The following ATAD1 variants were observed in gnomAD, a reference collection of about 807,000 sequenced individuals.
The protein encoded by ATAD1 is ATPase family AAA domain containing 1.
A neutral mutation model predicts 42.7 loss-of-function variants in ATAD1; 18 were observed. The observed-to-expected ratio is 0.42, with a 90% CI of 0.29 to 0.63. The LOEUF is 0.63. ATAD1 is among the 20% of genes least tolerant of loss of function. The pLI is 0.19. For synonymous variants in ATAD1, 132 were observed against 143.1 expected, an observed-to-expected ratio of 0.92 and a Z score of 0.55; for missense variants, 294 against 440.4, an observed-to-expected ratio of 0.67 and a Z score of 2.98.
At chr10:87,776,260 C>T in intron 6 of ATAD1, 61 bp downstream of exon 6, 1 of 1,327,020 alleles carries the variant, frequency 7.5e-7, no homozygotes, top group Non-Finnish European at 1.1e-6. Context: ...AGTAGCCCAG[C>T]AAATTTTCTA....
intron 8 of ATAD1, among the ~76,000 whole-genome samples, chr10:87,761,584 C>G (rs932173302): frequency 6.6e-6 from 1 of 152,092 alleles, no homozygotes; most frequent in East Asian, 1.9e-4. Flanking sequence ...ATCACTTGAG[C>G]CCAGGGAGGC....
At chr10:87,782,003 G>A in intron 5 of ATAD1, among the ~76,000 whole-genome samples, 1 of 151,782 alleles carries the variant, frequency 6.6e-6, no homozygotes, top group East Asian at 1.9e-4. Context: ...TACAATGGCT[G>A]AGAAATCCTC....
At chr10:87,836,896 G>A (rs1480831657) in intron 1 of ATAD1, among the ~76,000 whole-genome samples, 1 of 152,068 alleles carries the variant, frequency 6.6e-6, no homozygotes, top group Non-Finnish European at 1.5e-5. Flanking sequence ...GTTCACATTG[G>A]ATAATTTCTG....
intron 5 of ATAD1, among the ~76,000 whole-genome samples, chr10:87,783,535 A>T (rs548198139): frequency 8.5e-5 from 13 of 152,062 alleles, no homozygotes; most frequent in Non-Finnish European, 1.5e-4. Flanking sequence ...TTCTCTCTAC[A>T]TATTTACATA....
At chr10:87,822,012 T>G (rs1034638743), upstream of ATAD1, among the ~76,000 whole-genome samples, 5 of 152,110 alleles carry the variant, frequency 3.3e-5, no homozygotes, top group South Asian at 2.1e-4. Flanking sequence ...CATCAAGAAA[T>G]CAAGGCAAGG....
chr10:87,817,187 C>G (rs1423326041), intron 1 of ATAD1, among the ~76,000 whole-genome samples: 18 of 152,176 alleles, frequency 1.2e-4, no homozygotes, highest in Admixed American at 1.2e-3. Context: ...CTTTATTGTA[C>G]ACTCATGTAT....
At chr10:87,767,235 C>T (rs2131797410) in intron 8 of ATAD1, among the ~76,000 whole-genome samples, 1 of 152,176 alleles carries the variant, frequency 6.6e-6, no homozygotes, top group East Asian at 1.9e-4. Flanking sequence ...GGATTCAGGT[C>T]AAGTTCAAAG....
At chr10:87,791,030 C>CAAAAAAAAAA (rs34722647) in intron 3 of ATAD1, among the ~76,000 whole-genome samples, 9 of 66,248 alleles carry the variant, frequency 1.4e-4, no homozygotes, top group Admixed American at 2.0e-4. Context: ...ACTAAAATTA[C>CAAAAAAAAAA]AAAAAAAAAA....
At chr10:87,755,630 C>T (rs1185978349) in intron 9 of ATAD1, among the ~76,000 whole-genome samples, 1 of 152,030 alleles carries the variant, frequency 6.6e-6, no homozygotes, top group Admixed American at 6.6e-5. Flanking sequence ...AAAACCTGGC[C>T]AGTAGCGGTG....
At chr10:87,814,243 T>C (rs1024663790) in intron 2 of ATAD1, among the ~76,000 whole-genome samples, 195 bp downstream of exon 2, 1 of 152,082 alleles carries the variant, frequency 6.6e-6, no homozygotes, top group Admixed American at 6.5e-5. Context: ...GTTGTTTATA[T>C]AGTAAAAAAT....
At chr10:87,798,236 C>T (rs1856493085) in intron 2 of ATAD1, among the ~76,000 whole-genome samples, 1 of 152,124 alleles carries the variant, frequency 6.6e-6, no homozygotes, top group African/African-American at 2.4e-5. Context: ...ACACATCCAT[C>T]CACACATAAA....
chr10:87,785,289 T>C (rs1303786813), intron 4 of ATAD1, among the ~76,000 whole-genome samples: 2 of 151,800 alleles, frequency 1.3e-5, no homozygotes, highest in East Asian at 1.9e-4. Context: ...GATCTAGAGG[T>C]TGGGATCTTG....
At chr10:87,800,129 G>GAAATT (rs756117840) in intron 2 of ATAD1, among the ~76,000 whole-genome samples, 1 of 151,250 alleles carries the variant, frequency 6.6e-6, no homozygotes, top group Non-Finnish European at 1.5e-5. Flanking sequence ...TAATTAAAGG[G>GAAATT]AAATTAAAAT....
intron 9 of ATAD1, 34 bp from the exon 10 acceptor site, chr10:87,754,841 T>C: frequency 3.7e-6 from 6 of 1,601,050 alleles, no homozygotes; most frequent in Non-Finnish European, 5.1e-6. Context: ...AATACTCAAA[T>C]AACTTTAGAA....
At chr10:87,801,145 T>C (rs1311006537) in intron 2 of ATAD1, among the ~76,000 whole-genome samples, 2 of 152,238 alleles carry the variant, frequency 1.3e-5, no homozygotes, top group Non-Finnish European at 2.9e-5. Context: ...ATTGGTTTCA[T>C]GCTGTTTTTA....
upstream of ATAD1, chr10:87,818,959 T>A (rs1336316088): frequency 1.3e-5 from 2 of 152,382 alleles, no homozygotes; most frequent in East Asian, 3.9e-4. Flanking sequence ...CAGAGCCTCC[T>A]GAATACACAA....
intron 2 of ATAD1, among the ~76,000 whole-genome samples, chr10:87,803,319 C>T (rs1856787201): frequency 6.6e-6 from 1 of 152,046 alleles, no homozygotes; most frequent in African/African-American, 2.4e-5. Flanking sequence ...TATGCTTTCT[C>T]CAAAAGATTT....
At chr10:87,799,783 AT>A (rs572002251) in intron 2 of ATAD1, among the ~76,000 whole-genome samples, 1,847 of 134,772 alleles carry the variant, frequency 0.014, 18 homozygotes, top group African/African-American at 0.039. Flanking sequence ...GTAGAAAAAT[AT>A]TTTTTTTTTT....
At position 87,754,544 on chromosome 10, in the gene ATAD1, T is replaced by A; in HGVS notation, c.*143A>T. 1.0e-6 allele frequency: 1 copy of A among 997,040 alleles called. No homozygotes were observed. The highest frequency in any genetic ancestry group is 2.3e-5 in the South Asian group (1 of 42,632). 61.8% of individuals were successfully genotyped at this position (997,040 alleles called of 1,614,324 possible). A position where few individuals can be genotyped will look rare whatever the true frequency, so the allele number is the denominator to read the frequency against. On this transcript the variant is annotated 3_prime_UTR_variant, in exon 10 of 10. Transcript: ENST00000680024. ...ATACCACCTATGTAACAACTATATC[T>A]CAATAACTTAGAATTCAGAGTATAA...
Sources: gnomAD v4.1 joint callset for allele counts (sites outside exome capture counted in the v4.1 genomes callset) on GRCh38, gnomAD v4.1.1 for gene constraint, MANE v1.5 for transcripts, NCBI Gene and HGNC (gene_info 2026-07-23, HGNC 2026-07-21) for gene names.